The following CSMD1 variants were observed in gnomAD, a reference collection of about 807,000 sequenced individuals.
CSMD1 encodes CUB and Sushi multiple domains 1, also known as CUB and sushi domain-containing protein 1.
Under a neutral mutation model 417.5 loss-of-function variants are expected in CSMD1, and 213 were observed. The observed-to-expected ratio is 0.51, with a 90% confidence interval of 0.46 to 0.57. The LOEUF (loss-of-function observed/expected upper bound fraction) is 0.57. Among genes scored for constraint, CSMD1 ranks in the 20% least tolerant of loss-of-function variants. CSMD1 has a pLI of 0.00. For synonymous variants in CSMD1, 2,862 were observed against 1,736.8 expected (o/e 1.65, Z -16.11); for missense variants, 6,923 against 4,529.7 (o/e 1.53, Z -15.17).
chr8:4,034,978 C>G (rs554436118), intron 3 of CSMD1, among the ~76,000 whole-genome samples: 1 of 152,254 alleles, frequency 6.6e-6, no homozygotes, highest in Non-Finnish European at 1.5e-5. Flanking sequence ...CTGCGCGACT[C>G]TTCTATACGT....
At chr8:4,299,837 G>C (rs1035295183) in intron 3 of CSMD1, among the ~76,000 whole-genome samples, 15 of 152,130 alleles carry the variant, frequency 9.9e-5, no homozygotes, top group African/African-American at 2.9e-4. Flanking sequence ...CACCTTCTTG[G>C]CCAGGATGGT....
intron 1 of CSMD1, among the ~76,000 whole-genome samples, chr8:4,708,095 C>G (rs1437518397): frequency 4.6e-5 from 7 of 151,090 alleles, no homozygotes; most frequent in Non-Finnish European, 4.4e-5. Context: ...AGGCATCTGC[C>G]AATACACTGG....
At chr8:4,662,278 A>T (rs1804655368) in intron 1 of CSMD1, among the ~76,000 whole-genome samples, 1 of 152,028 alleles carries the variant, frequency 6.6e-6, no homozygotes. Context: ...TTTTGTAGAC[A>T]AATAAGAGGT....
At chr8:3,974,475 T>C (rs1288973793) in intron 5 of CSMD1, among the ~76,000 whole-genome samples, 2 of 152,022 alleles carry the variant, frequency 1.3e-5, no homozygotes, top group African/African-American at 4.8e-5. Context: ...TATTAAAATG[T>C]ATTAAAACAG....
chr8:3,648,647 A>G (rs1797695124), intron 7 of CSMD1, among the ~76,000 whole-genome samples: 1 of 152,224 alleles, frequency 6.6e-6, no homozygotes, highest in African/African-American at 2.4e-5. Context: ...AACAGGACAA[A>G]CTGACCTTAC....
intron 54 of CSMD1, among the ~76,000 whole-genome samples, chr8:2,987,694 A>C (rs1806043404): frequency 2.0e-5 from 3 of 152,338 alleles, no homozygotes. Context: ...TTCCCTAAGC[A>C]CAAGAGTGAT....
At chr8:3,756,657 G>A (rs182395312) in intron 5 of CSMD1, among the ~76,000 whole-genome samples, 1 of 152,150 alleles carries the variant, frequency 6.6e-6, no homozygotes, top group Non-Finnish European at 1.5e-5. Context: ...GAATACAAAA[G>A]ATCAGCGAAT....
At chr8:3,233,359 C>T (rs7839571) in intron 26 of CSMD1, among the ~76,000 whole-genome samples, 43,340 of 152,020 alleles carry the variant, frequency 0.29, 6,695 homozygotes, top group Non-Finnish European at 0.35. Flanking sequence ...TGCCTGCACA[C>T]GTTAGGACTC....
intron 62 of CSMD1, 96 bp from the exon 63 acceptor site, chr8:2,957,903 G>A: frequency 1.2e-6 from 1 of 800,062 alleles, no homozygotes; most frequent in South Asian, 1.6e-5. Flanking sequence ...TAAAAGTACA[G>A]CAGCAACTTT....
intron 1 of CSMD1, among the ~76,000 whole-genome samples, chr8:4,702,758 G>C (rs1159544471): frequency 6.6e-6 from 1 of 152,148 alleles, no homozygotes; most frequent in African/African-American, 2.4e-5. Flanking sequence ...AGGAAAGAAA[G>C]AGCATCCTTT....
chr8:4,212,814 G>C lies in CSMD1; in HGVS notation c.416-180715C>G, dbSNP rs187061430. On this transcript the variant is annotated intron_variant, in intron 3 of 69. Coordinates refer to ENST00000635120, the MANE Select transcript of CSMD1 (RefSeq NM_033225.6). Reference sequence around the variant, plus strand: ...ACAATCTCATTGCTTTTACCAGCCAGTTCATGGACTGGCATTTGGGAAACA... The same window carrying C: ...ACAATCTCATTGCTTTTACCAGCCACTTCATGGACTGGCATTTGGGAAACA... Among the ~76,000 whole-genome samples, 256 of 127,502 alleles carry C rather than the reference G, an allele frequency of 2.0e-3. 4 individuals carry two copies. The highest frequency in any genetic ancestry group is 3.2e-4 in the Non-Finnish European group (21 of 64,816). 83.6% of individuals were successfully genotyped at this position (127,502 alleles called of 152,430 possible).
intron 3 of CSMD1, among the ~76,000 whole-genome samples, chr8:4,151,009 G>C (rs942973081): frequency 1.3e-5 from 2 of 152,134 alleles, no homozygotes; most frequent in Non-Finnish European, 2.9e-5. Context: ...AATGATGCAA[G>C]AGAAATTGTG....
At position 3,201,737 on chromosome 8, in the gene CSMD1, G is replaced by A. The variant is rs868082313; in HGVS notation, c.4985-12C>T. On this transcript the variant is annotated splice_polypyrimidine_tract_variant and intron_variant, in intron 31 of 69. Transcript: ENST00000635120. ...CTGTCCAAAGACCACTAAAAAATAA[G>A]AGGTGGGATGTTGGCACAAGATGCT... 6.6e-7 allele frequency: 1 copy of A among 1,525,506 alleles called. No individual in the cohort carries two copies. The highest frequency in any genetic ancestry group is 9.0e-7 in the Non-Finnish European group (1 of 1,113,498). The allele number at this position is 1,525,506 out of a possible 1,614,324, so 94.5% of individuals were successfully genotyped here. A position where few individuals can be genotyped will look rare whatever the true frequency, so the allele number is the denominator to read the frequency against.
At chr8:4,298,858 G>GTTTT (rs2128871913) in intron 3 of CSMD1, among the ~76,000 whole-genome samples, 1 of 151,976 alleles carries the variant, frequency 6.6e-6, no homozygotes, top group East Asian at 1.9e-4. Flanking sequence ...GGAAATACTG[G>GTTTT]TATAATTCTT....
intron 3 of CSMD1, among the ~76,000 whole-genome samples, chr8:4,313,970 C>T (rs572618840): frequency 1.9e-4 from 29 of 151,774 alleles, no homozygotes; most frequent in East Asian, 1.6e-3. Flanking sequence ...GCCGAGACTG[C>T]GCCCCTGCAC....
At position 3,658,050 on chromosome 8, in the gene CSMD1, T is replaced by G. The variant is rs185402155; in HGVS notation, c.1010-41253A>C. Reference sequence around the variant, plus strand: ...TTCTCGTCTTGAAATACTCAGAGCATAACAGCGTCAGCCCAGAGGCATTCA... The same window carrying G: ...TTCTCGTCTTGAAATACTCAGAGCAGAACAGCGTCAGCCCAGAGGCATTCA... On this transcript the variant is annotated intron_variant, in intron 7 of 69. Transcript: ENST00000635120. Among the ~76,000 whole-genome samples the G allele has an allele frequency of 2.0e-5, 3 of 152,270 alleles. No individual in the cohort carries two copies. In the East Asian group the frequency reaches 5.8e-4, roughly 29 times the overall value.
At chr8:4,116,140 C>T (rs1386327664) in intron 3 of CSMD1, among the ~76,000 whole-genome samples, 13 of 151,816 alleles carry the variant, frequency 8.6e-5, no homozygotes, top group Admixed American at 4.6e-4. Flanking sequence ...TTTACAGGCG[C>T]GTACCACCGC....
chr8:3,722,055 G>T (rs536373990), intron 6 of CSMD1, among the ~76,000 whole-genome samples: 1 of 152,282 alleles, frequency 6.6e-6, no homozygotes, highest in African/African-American at 2.4e-5. Flanking sequence ...AGAAGCATAA[G>T]GAAGAGGCCG....
intron 3 of CSMD1, among the ~76,000 whole-genome samples, chr8:4,319,651 T>A (rs1799152103): frequency 6.6e-6 from 1 of 152,034 alleles, no homozygotes; most frequent in Admixed American, 6.6e-5. Flanking sequence ...GTTCACTGCC[T>A]GGAAAGAGAG....
Sources: allele counts gnomAD v4.1 joint callset (sites outside exome capture counted in the v4.1 genomes callset), GRCh38; gene constraint gnomAD v4.1.1; transcripts MANE v1.5; gene names NCBI Gene and HGNC (gene_info 2026-07-23, HGNC 2026-07-21).